The following NXPH1 variants were observed in gnomAD, a reference collection of about 807,000 sequenced individuals.
NXPH1 encodes neurexophilin-1.
In NXPH1, 5 loss-of-function variants were observed where a neutral mutation model predicts 23.7. The observed-to-expected ratio is 0.21, with a 90% CI of 0.11 to 0.44. The LOEUF is 0.44. Among genes scored for constraint, NXPH1 ranks in the 20% least tolerant of loss-of-function variants. NXPH1 has a pLI of 0.99. For synonymous variants in NXPH1, 144 were observed against 122.2 expected, an observed-to-expected ratio of 1.18 and a Z score of -1.18; for missense variants, 324 against 321.6, an observed-to-expected ratio of 1.01 and a Z score of -0.06.
intron 2 of NXPH1, among the ~76,000 whole-genome samples, chr7:8,506,139 T>C (rs891128683): frequency 6.6e-6 from 1 of 152,172 alleles, no homozygotes; most frequent in Non-Finnish European, 1.5e-5. Context: ...AATTTATCTA[T>C]TATAAAATTT....
chr7:8,728,341 G>A (rs1780091932), intron 2 of NXPH1, among the ~76,000 whole-genome samples: 1 of 151,920 alleles, frequency 6.6e-6, no homozygotes, highest in African/African-American at 2.4e-5. Context: ...TCCTTCTCCT[G>A]CCTAATTGCC....
chr7:8,693,835 AT>A (rs1262554897), intron 2 of NXPH1, among the ~76,000 whole-genome samples: 2 of 151,940 alleles, frequency 1.3e-5, no homozygotes, highest in South Asian at 2.1e-4. Flanking sequence ...TCTCTGCATA[AT>A]TTTTTTCCTC....
chr7:8,600,101 T>C (rs1403972332), intron 2 of NXPH1, among the ~76,000 whole-genome samples: 1 of 152,094 alleles, frequency 6.6e-6, no homozygotes, highest in Non-Finnish European at 1.5e-5. Context: ...TATATGATGT[T>C]GGTCTTCAAA....
intron 2 of NXPH1, among the ~76,000 whole-genome samples, chr7:8,539,523 T>C (rs969465429): frequency 2.0e-5 from 3 of 151,982 alleles, no homozygotes; most frequent in African/African-American, 7.2e-5. Context: ...TTACATGAAA[T>C]TTTTCCTTTT....
At chr7:8,492,082 G>A (rs1016581110) in intron 2 of NXPH1, among the ~76,000 whole-genome samples, 1 of 152,016 alleles carries the variant, frequency 6.6e-6, no homozygotes, top group African/African-American at 2.4e-5. Context: ...TTGAGTGCAA[G>A]CACAAGGAAA....
chr7:8,609,250 T>C lies in NXPH1; in HGVS notation c.55-141758T>C, dbSNP rs139144884. On this transcript the variant is annotated intron_variant, in intron 2 of 2. Transcript: ENST00000405863. ...TAGAAGCTCAATACATGTAAGCAAA[T>C]AAAAAACCCAAAAACATCATTTTAG... Among the ~76,000 whole-genome samples, 494 of 152,218 alleles carry C rather than the reference T, an allele frequency of 3.2e-3. 5 individuals carry two copies. Among genetic ancestry groups the C allele is most frequent in the African/African-American group, 0.012 (480 of 41,552 alleles).
At chr7:8,560,697 T>A (rs1584232525) in intron 2 of NXPH1, among the ~76,000 whole-genome samples, 1 of 151,710 alleles carries the variant, frequency 6.6e-6, no homozygotes, top group East Asian at 2.0e-4. Context: ...GATCAGCTTT[T>A]CTCAACCTTT....
intron 2 of NXPH1, among the ~76,000 whole-genome samples, chr7:8,636,129 A>G (rs973223846): frequency 6.6e-6 from 1 of 152,050 alleles, no homozygotes; most frequent in African/African-American, 2.4e-5. Context: ...GCCCAGCTTC[A>G]TTTATACCCT....
At chr7:8,528,243 C>G (rs1292568330) in intron 2 of NXPH1, among the ~76,000 whole-genome samples, 1 of 152,220 alleles carries the variant, frequency 6.6e-6, no homozygotes, top group Admixed American at 6.5e-5. Flanking sequence ...CAGTGCCCAC[C>G]AGCAGTGGCA....
At chr7:8,444,573 A>G (rs12702751) in intron 2 of NXPH1, among the ~76,000 whole-genome samples, 151,955 of 152,360 alleles carry the variant, frequency 1, 75,780 homozygotes, top group Middle Eastern at 1. Context: ...GATGCCCCCG[A>G]TGGACAGCTG....
At chr7:8,493,522 T>G (rs1009256649) in intron 2 of NXPH1, among the ~76,000 whole-genome samples, 2 of 152,092 alleles carry the variant, frequency 1.3e-5, no homozygotes, top group Non-Finnish European at 2.9e-5. Flanking sequence ...AGAGAACAGC[T>G]CAGGCTAATT....
chr7:8,724,061 G>A lies in NXPH1; in HGVS notation c.55-26947G>A, dbSNP rs566908172. On this transcript the variant is annotated intron_variant, in intron 2 of 2. Coordinates refer to ENST00000405863, the MANE Select transcript of NXPH1 (RefSeq NM_152745.3). The stretch of plus-strand genomic sequence containing the variant: ...GAACATCCTTTCTCTCAGGAATAGG[G>A]CCCACAATAACTTCTTTAGTGGATG... 3.9e-5 allele frequency among the ~76,000 whole-genome samples: 6 copies of A among 152,232 alleles called. No individual in the cohort carries two copies. In the South Asian group the frequency reaches 1.0e-3, roughly 26 times the overall value.
At chr7:8,723,006 A>G (rs995044836) in intron 2 of NXPH1, among the ~76,000 whole-genome samples, 2 of 152,196 alleles carry the variant, frequency 1.3e-5, no homozygotes, top group Non-Finnish European at 2.9e-5. Flanking sequence ...GAGTCAAGCC[A>G]AAAATGCCTT....
chr7:8,533,469 T>C (rs948256559), intron 2 of NXPH1, among the ~76,000 whole-genome samples: 2 of 152,128 alleles, frequency 1.3e-5, no homozygotes, highest in African/African-American at 4.8e-5. Flanking sequence ...AGGTGACATA[T>C]AGGAAAACTT....
At position 8,610,951 on chromosome 7, in the gene NXPH1, A is replaced by T. The variant is rs150023518; in HGVS notation, c.55-140057A>T. Among the ~76,000 whole-genome samples the T allele has an allele frequency of 3.1e-3, 465 of 152,256 alleles. 4 individuals are homozygous for T. The highest frequency in any genetic ancestry group is 0.011 in the African/African-American group (451 of 41,566). ...GGGTATCACCAATGGAATAGCCATT[A>T]AGGGCCTAGGCAGCACTTAACTTGA... is the stretch of plus-strand genomic sequence containing the variant. On this transcript the variant is annotated intron_variant, in intron 2 of 2. Coordinates refer to ENST00000405863, the MANE Select transcript of NXPH1 (RefSeq NM_152745.3).
intron 2 of NXPH1, among the ~76,000 whole-genome samples, chr7:8,507,597 T>C (rs1817549885): frequency 6.6e-6 from 1 of 152,122 alleles, no homozygotes; most frequent in Non-Finnish European, 1.5e-5. Context: ...TTTACCGTAT[T>C]ACATAGGTGC....
chr7:8,687,630 G>A (rs1821167858), intron 2 of NXPH1, among the ~76,000 whole-genome samples: 1 of 152,152 alleles, frequency 6.6e-6, no homozygotes, highest in Admixed American at 6.6e-5. Context: ...GGAGCAAAGT[G>A]ATTTGGGGCA....
chr7:8,609,975 T>A (rs1819581010), intron 2 of NXPH1, among the ~76,000 whole-genome samples: 1 of 152,288 alleles, frequency 6.6e-6, no homozygotes, highest in Non-Finnish European at 1.5e-5. Context: ...CTTGTTTGAT[T>A]TAGAGGTACT....
intron 2 of NXPH1, among the ~76,000 whole-genome samples, chr7:8,682,940 G>A (rs1821080801): frequency 6.6e-6 from 1 of 152,212 alleles, no homozygotes; most frequent in Admixed American, 6.5e-5. Flanking sequence ...TTCAATTCAA[G>A]AAATCTGGGT....
Sources: allele counts gnomAD v4.1 joint callset (sites outside exome capture counted in the v4.1 genomes callset), GRCh38; gene constraint gnomAD v4.1.1; transcripts MANE v1.5; gene names NCBI Gene and HGNC (gene_info 2026-07-23, HGNC 2026-07-21).